Variants in CACNA2D1 observed in about 807,000 individuals in gnomAD.
CACNA2D1 encodes calcium voltage-gated channel auxiliary subunit alpha2delta 1.
In CACNA2D1, 53 loss-of-function variants were observed where a neutral mutation model predicts 171.5. The observed-to-expected ratio is 0.31, with a 90% confidence interval of 0.25 to 0.39. CACNA2D1 has a LOEUF of 0.39. Ranked by LOEUF, CACNA2D1 falls within the 10% of genes least tolerant of loss-of-function variation. The probability of loss-of-function intolerance (pLI) is 1.00; values close to 1 mark genes in which losing one functional copy is unlikely to be tolerated. For missense variants in CACNA2D1, 903 were observed against 1,299.8 expected, an observed-to-expected ratio of 0.69 and a Z score of 4.69; for synonymous variants, 442 against 443.1, an observed-to-expected ratio of 1.00 and a Z score of 0.03.
intron 1 of CACNA2D1, among the ~76,000 whole-genome samples, chr7:82,384,998 C>T (rs889552826): frequency 1.3e-5 from 2 of 152,188 alleles, no homozygotes; most frequent in African/African-American, 4.8e-5. Flanking sequence ...TACTGAAACA[C>T]AGGCCTAATA....
intron 1 of CACNA2D1, among the ~76,000 whole-genome samples, chr7:82,386,778 A>C (rs1824453079): frequency 6.6e-6 from 1 of 150,678 alleles, no homozygotes; most frequent in Non-Finnish European, 1.5e-5. Context: ...AAATAAATAA[A>C]TAAAATAACT....
chr7:82,000,622 G>A (rs1276582738), intron 18 of CACNA2D1, among the ~76,000 whole-genome samples: 2 of 151,486 alleles, frequency 1.3e-5, no homozygotes, highest in Non-Finnish European at 2.9e-5. Context: ...TTTTTGAGAC[G>A]GGGTCTCGCT....
chr7:82,136,739 T>C (rs757396094), intron 4 of CACNA2D1, 63 bp from the exon 5 acceptor site: 46 of 1,050,454 alleles, frequency 4.4e-5, no homozygotes, highest in Middle Eastern at 2.6e-4. Flanking sequence ...AAATACTGAA[T>C]ACATTTTATG....
intron 4 of CACNA2D1, among the ~76,000 whole-genome samples, chr7:82,158,827 T>C (rs992183142): frequency 6.6e-6 from 1 of 151,890 alleles, no homozygotes; most frequent in African/African-American, 2.4e-5. Flanking sequence ...ATAGTTTTGA[T>C]ACTTACTTCA....
chr7:82,253,245 T>C (rs541308714), intron 3 of CACNA2D1, among the ~76,000 whole-genome samples: 9 of 152,298 alleles, frequency 5.9e-5, no homozygotes, highest in African/African-American at 1.7e-4. Context: ...AAAAAGATGA[T>C]TGGCAGTAGT....
intron 3 of CACNA2D1, among the ~76,000 whole-genome samples, chr7:82,288,740 T>C (rs1470534420): frequency 6.6e-6 from 1 of 152,242 alleles, no homozygotes; most frequent in Non-Finnish European, 1.5e-5. Context: ...TATGGTTTTA[T>C]GCTCCTATGA....
intron 3 of CACNA2D1, among the ~76,000 whole-genome samples, chr7:82,239,335 A>T (rs1803977630): frequency 6.6e-6 from 1 of 151,962 alleles, no homozygotes; most frequent in African/African-American, 2.4e-5. Flanking sequence ...TCAAGCCTCT[A>T]TGAAGGCACC....
intron 3 of CACNA2D1, among the ~76,000 whole-genome samples, chr7:82,188,918 C>T (rs1798025050): frequency 2.0e-5 from 3 of 152,010 alleles, no homozygotes; most frequent in African/African-American, 7.2e-5. Flanking sequence ...AACACAAGAA[C>T]AGAAAACCAA....
Position 82,332,564 on chromosome 7 carries a change from A to AAG in CACNA2D1, c.294+2569_294+2570dup, listed in dbSNP as rs1554514971. Reference sequence around the variant, plus strand: ...AAAGAAAGAAAGAAAGAAAGAAAGAAAGAACGAACAGAAAATTTTTGAGGG... The same window carrying AAG: ...AAAGAAAGAAAGAAAGAAAGAAAGAAAGAGAACGAACAGAAAATTTTTGAGGG... On this transcript the variant is annotated intron_variant, in intron 3 of 38. Transcript: ENST00000356860. Among the ~76,000 whole-genome samples the AAG allele has an allele frequency of 6.5e-4, 94 of 144,230 alleles. 3 individuals are homozygous for AAG. The highest frequency in any genetic ancestry group is 6.2e-4 in the Admixed American group (9 of 14,476). The allele number at this position is 144,230 out of a possible 152,430, so 94.6% of individuals were successfully genotyped here.
intron 2 of CACNA2D1, among the ~76,000 whole-genome samples, chr7:82,337,734 C>T (rs1054810463): frequency 5.9e-5 from 9 of 152,072 alleles, no homozygotes; most frequent in African/African-American, 1.9e-4. Flanking sequence ...AACTGGCCTT[C>T]GTTTTTTCTC....
chr7:81,987,213 G>A (rs553204909), intron 21 of CACNA2D1, among the ~76,000 whole-genome samples: 1 of 152,256 alleles, frequency 6.6e-6, no homozygotes, highest in East Asian at 1.9e-4. Context: ...CTCAAGCCAA[G>A]TTAATTTTTC....
At chr7:82,346,822 G>T (rs532797932) in intron 2 of CACNA2D1, among the ~76,000 whole-genome samples, 2 of 152,212 alleles carry the variant, frequency 1.3e-5, no homozygotes, top group Non-Finnish European at 2.9e-5. Context: ...CCTTGTTTAT[G>T]TGGGGATTTG....
At chr7:81,973,916 AT>A (rs903361379) in intron 25 of CACNA2D1, among the ~76,000 whole-genome samples, 1 of 152,036 alleles carries the variant, frequency 6.6e-6, no homozygotes, top group African/African-American at 2.4e-5. Flanking sequence ...GTCTATTTTA[AT>A]TTGATTTACC....
chr7:82,187,444 T>C (rs1797883801), intron 3 of CACNA2D1, among the ~76,000 whole-genome samples: 1 of 152,080 alleles, frequency 6.6e-6, no homozygotes, highest in Non-Finnish European at 1.5e-5. Flanking sequence ...ATAAGGACAA[T>C]GTACAATAGT....
At chr7:82,205,101 G>C (rs1451681296) in intron 3 of CACNA2D1, among the ~76,000 whole-genome samples, 3 of 152,156 alleles carry the variant, frequency 2.0e-5, no homozygotes, top group Non-Finnish European at 2.9e-5. Flanking sequence ...TGCATCCAGA[G>C]AAAGAGTAAA....
chr7:82,338,778 C>T (rs1465032899), intron 2 of CACNA2D1, among the ~76,000 whole-genome samples: 1 of 152,126 alleles, frequency 6.6e-6, no homozygotes, highest in Non-Finnish European at 1.5e-5. Context: ...CTAAATCTTC[C>T]TTGGCTTCAG....
rs546203679 is a variant in CACNA2D1 at position 82,241,363 on chromosome 7, A to C, written c.295-70754T>G. On this transcript the variant is annotated intron_variant, in intron 3 of 38. Transcript: ENST00000356860. ...ATTCTCTACACCACAAGGTAACTGC[A>C]GAGAGAATAGTGCTAATCTGGACTA... Among the ~76,000 whole-genome samples the C allele has an allele frequency of 4.6e-5, 7 of 152,332 alleles. No homozygotes were observed. The South Asian group carries it at 1.4e-3, about 32-fold the overall frequency.
At chr7:82,429,100 A>C (rs1829448417) in intron 1 of CACNA2D1, among the ~76,000 whole-genome samples, 1 of 152,244 alleles carries the variant, frequency 6.6e-6, no homozygotes, top group African/African-American at 2.4e-5. Flanking sequence ...ATAAATTTAC[A>C]ATCTTTTCCA....
chr7:82,009,595 G>A (rs1799518839), intron 15 of CACNA2D1, among the ~76,000 whole-genome samples: 2 of 152,036 alleles, frequency 1.3e-5, no homozygotes, highest in African/African-American at 4.8e-5. Context: ...AGATATGGAT[G>A]TAATCATTTC....
Sources: allele counts gnomAD v4.1 joint callset (sites outside exome capture counted in the v4.1 genomes callset), GRCh38; gene constraint gnomAD v4.1.1; transcripts MANE v1.5; gene names NCBI Gene and HGNC (gene_info 2026-07-23, HGNC 2026-07-21).